Variants in RBL1 observed in about 807,000 individuals in gnomAD.
RBL1 encodes the protein retinoblastoma-like protein 1.
RBL1 carries 82 observed loss-of-function variants against 123.0 expected under a neutral mutation model. The observed-to-expected ratio is 0.67, with a 90% CI of 0.56 to 0.80. RBL1 has a LOEUF of 0.80. RBL1 is among the 30% of genes least tolerant of loss of function. RBL1 has a pLI of 0.00. For synonymous variants in RBL1, 405 were observed against 441.3 expected (o/e 0.92, Z 1.03); for missense variants, 1,171 against 1,299.6 (o/e 0.90, Z 1.52).
intron 21 of RBL1, 34 bp from the exon 22 acceptor site, chr20:36,998,963 G>A (rs955016064): frequency 6.4e-7 from 1 of 1,555,036 alleles, no homozygotes; most frequent in Non-Finnish European, 8.7e-7. Flanking sequence ...GTGAGTAAAA[G>A]AGGGAGAGGG....
chr20:37,062,292 G>A (rs2065109405), intron 7 of RBL1, 22 bp from the exon 8 acceptor site: 1 of 1,608,256 alleles, frequency 6.2e-7, no homozygotes, highest in Non-Finnish European at 8.5e-7. Context: ...ATTATTATAA[G>A]CTGTAATACT....
intron 9 of RBL1, among the ~76,000 whole-genome samples, chr20:37,059,760 T>C (rs1045986613): frequency 1.6e-4 from 25 of 152,280 alleles, no homozygotes; most frequent in Middle Eastern, 3.4e-3. Context: ...TTTGCTGGTT[T>C]TGACTATTCT....
chr20:37,077,743 G>T (rs1600590960), intron 2 of RBL1, among the ~76,000 whole-genome samples: 1 of 146,890 alleles, frequency 6.8e-6, no homozygotes. Context: ...GTCACGTTTA[G>T]CTTTCATGCC....
intron 2 of RBL1, among the ~76,000 whole-genome samples, chr20:37,072,497 C>A (rs192991379): frequency 6.6e-6 from 1 of 151,560 alleles, no homozygotes; most frequent in Non-Finnish European, 1.5e-5. Flanking sequence ...AGCGAAACTC[C>A]GTCTTAAAAA....
intron 2 of RBL1, among the ~76,000 whole-genome samples, chr20:37,080,489 C>T (rs2065431945): frequency 6.7e-6 from 1 of 149,484 alleles, no homozygotes; most frequent in African/African-American, 2.5e-5. Context: ...GATGGAATCT[C>T]ACTTTGTGGC....
intron 19 of RBL1, among the ~76,000 whole-genome samples, 198 bp downstream of exon 19, chr20:37,018,081 A>G (rs779662662): frequency 6.6e-6 from 1 of 152,244 alleles, no homozygotes. Context: ...CCAAAACACA[A>G]TTAACAGGGG....
At chr20:37,002,188 CCTGG>C (rs2063995684) in intron 21 of RBL1, among the ~76,000 whole-genome samples, 1 of 151,486 alleles carries the variant, frequency 6.6e-6, no homozygotes, top group Non-Finnish European at 1.5e-5. Context: ...TGCCACCATG[CCTGG>C]CTATTTTTTT....
chr20:37,038,417 C>G (rs2064664999), intron 14 of RBL1, among the ~76,000 whole-genome samples: 1 of 147,822 alleles, frequency 6.8e-6, no homozygotes, highest in African/African-American at 2.5e-5. Context: ...TTCCCTGCCT[C>G]AGCCTCCCGA....
intron 17 of RBL1, 115 bp downstream of exon 17, chr20:37,022,535 C>A: frequency 1.0e-6 from 1 of 957,990 alleles, no homozygotes; most frequent in Non-Finnish European, 1.5e-6. Flanking sequence ...CCATGTTGCC[C>A]AAGCTGGTCT....
chr20:37,035,208 G>A, intron 15 of RBL1, 34 bp downstream of exon 15: 1 of 1,551,524 alleles, frequency 6.4e-7, no homozygotes, highest in Non-Finnish European at 8.7e-7. Context: ...TTTTATCTCA[G>A]AAAAAGTACA....
intron 2 of RBL1, among the ~76,000 whole-genome samples, chr20:37,072,733 G>C (rs1404438548): frequency 6.6e-6 from 1 of 152,130 alleles, no homozygotes; most frequent in Non-Finnish European, 1.5e-5. Flanking sequence ...TCTTAGAGCA[G>C]GATCAATCTC....
chr20:37,031,994 T>C (rs2064521559), intron 16 of RBL1, among the ~76,000 whole-genome samples: 1 of 151,052 alleles, frequency 6.6e-6, no homozygotes, highest in Admixed American at 6.6e-5. Context: ...GTGATCCTCC[T>C]GCCTCGGCCT....
intron 15 of RBL1, among the ~76,000 whole-genome samples, chr20:37,034,965 T>C (rs1445706733): frequency 6.6e-6 from 1 of 152,092 alleles, no homozygotes; most frequent in Admixed American, 6.6e-5. Flanking sequence ...GTTCATCAAC[T>C]GTAACAAATG....
intron 19 of RBL1, among the ~76,000 whole-genome samples, chr20:37,011,316 C>A (rs2064144382): frequency 1.3e-5 from 2 of 152,142 alleles, no homozygotes; most frequent in African/African-American, 4.8e-5. Context: ...AATTCACAGC[C>A]CATGAGGAGT....
At chr20:37,078,839 T>C (rs1297733655) in intron 2 of RBL1, among the ~76,000 whole-genome samples, 3 of 151,108 alleles carry the variant, frequency 2.0e-5, no homozygotes, top group Non-Finnish European at 4.4e-5. Context: ...TAAGGCTTAA[T>C]GTATAGTTAC....
intron 14 of RBL1, among the ~76,000 whole-genome samples, chr20:37,036,965 T>C (rs1230384927): frequency 1.3e-5 from 2 of 152,184 alleles, no homozygotes; most frequent in Non-Finnish European, 2.9e-5. Context: ...GGTATGAAAA[T>C]GACCCCTGGC....
rs1349318395 is a variant in RBL1 at position 37,070,378 on chromosome 20, T to C, written c.291-2192A>G. Among the ~76,000 whole-genome samples the C allele has an allele frequency of 2.6e-5, 4 of 152,042 alleles. 1 individual carries two copies. In the South Asian group the frequency reaches 8.3e-4, roughly 32 times the overall value. ...GCCTAGGAAAACCAGAGACCTTTGT[T>C]CACTTGTTTATCTGCTGACCTTCCC... On this transcript the variant is annotated intron_variant, in intron 2 of 21. Coordinates refer to ENST00000373664, the MANE Select transcript of RBL1 (RefSeq NM_002895.5).
At chr20:37,001,918 T>TAAAAAAAAACAA (rs2063988134) in intron 21 of RBL1, among the ~76,000 whole-genome samples, 1 of 86,546 alleles carries the variant, frequency 1.2e-5, no homozygotes, top group Non-Finnish European at 2.2e-5. Flanking sequence ...TGCAGAACAA[T>TAAAAAAAAACAA]AAAAAAAAAA....
intron 1 of RBL1, among the ~76,000 whole-genome samples, chr20:37,090,326 A>G (rs1393736802): frequency 6.6e-6 from 1 of 152,238 alleles, no homozygotes; most frequent in Non-Finnish European, 1.5e-5. Context: ...TGCATTTCTT[A>G]GACCATGTCC....
Sources: gnomAD v4.1 joint callset for allele counts (sites outside exome capture counted in the v4.1 genomes callset) on GRCh38, gnomAD v4.1.1 for gene constraint, MANE v1.5 for transcripts, NCBI Gene and HGNC (gene_info 2026-07-23, HGNC 2026-07-21) for gene names.